RGSL1: variants seen among roughly 807,000 people sequenced by gnomAD.
RGSL1 encodes the protein regulator of G protein signaling protein-like.
A neutral mutation model predicts 124.7 loss-of-function variants in RGSL1; 97 were observed. That is an observed-to-expected ratio of 0.78 (90% CI 0.66 to 0.92). RGSL1 has a LOEUF of 0.92. Ranked by LOEUF, RGSL1 falls within the 40% of genes least tolerant of loss-of-function variation. The pLI, the probability that RGSL1 is intolerant of heterozygous loss-of-function variation, is 0.00. For synonymous variants in RGSL1, 424 were observed against 438.1 expected (o/e 0.97, Z 0.40); for missense variants, 1,233 against 1,288.4 (o/e 0.96, Z 0.66).
At chr1:182,508,564 G>A (rs985922878) in intron 9 of RGSL1, among the ~76,000 whole-genome samples, 2 of 151,608 alleles carry the variant, frequency 1.3e-5, no homozygotes, top group African/African-American at 4.8e-5. Flanking sequence ...CTCCCAAAGT[G>A]CTGGGATTAC....
intron 9 of RGSL1, among the ~76,000 whole-genome samples, chr1:182,515,881 G>A (rs941680951): frequency 1.3e-5 from 2 of 152,238 alleles, no homozygotes; most frequent in Admixed American, 6.5e-5. Context: ...TCGCACCAAA[G>A]GGAAACCACA....
chr1:182,536,436 C>T (rs991727819), intron 14 of RGSL1, among the ~76,000 whole-genome samples: 1 of 152,162 alleles, frequency 6.6e-6, no homozygotes, highest in Admixed American at 6.5e-5. Context: ...AAGTTTCAAC[C>T]GTTCCCCATC....
chr1:182,454,746 C>CT (rs1179634133), intron 2 of RGSL1, among the ~76,000 whole-genome samples: 1 of 152,122 alleles, frequency 6.6e-6, no homozygotes, highest in East Asian at 1.9e-4. Flanking sequence ...CTGGAACAAA[C>CT]CTATCTATTT....
intron 12 of RGSL1, 85 bp downstream of exon 12, chr1:182,530,446 C>A: frequency 9.6e-7 from 1 of 1,046,506 alleles, no homozygotes. Context: ...GTTTCCTAAT[C>A]CATTTTCATA....
chr1:182,461,114 C>T (rs754172787), intron 4 of RGSL1, among the ~76,000 whole-genome samples: 11 of 151,886 alleles, frequency 7.2e-5, no homozygotes, highest in Non-Finnish European at 1.3e-4. Context: ...GAGCTGACAT[C>T]TTCCCCCTTC....
At chr1:182,485,322 A>G (rs1450451178) in intron 6 of RGSL1, among the ~76,000 whole-genome samples, 2 of 151,988 alleles carry the variant, frequency 1.3e-5, no homozygotes, top group African/African-American at 4.8e-5. Flanking sequence ...TACTCCTTCA[A>G]TGTACACTTT....
chr1:182,558,955 A>G (rs985542889), intron 21 of RGSL1, among the ~76,000 whole-genome samples: 1 of 152,210 alleles, frequency 6.6e-6, no homozygotes, highest in African/African-American at 2.4e-5. Context: ...TCTACCGACC[A>G]TGGTCCTAGA....
intron 6 of RGSL1, among the ~76,000 whole-genome samples, chr1:182,481,716 T>C (rs1464697752): frequency 6.6e-6 from 1 of 150,912 alleles, no homozygotes; most frequent in African/African-American, 2.5e-5. Flanking sequence ...GGTGCAGTGG[T>C]TCATGCCTGT....
At chr1:182,499,943 T>C (rs192955354) in intron 9 of RGSL1, among the ~76,000 whole-genome samples, 11 of 152,354 alleles carry the variant, frequency 7.2e-5, no homozygotes, top group Non-Finnish European at 1.5e-5. Context: ...TTTGCAAATA[T>C]TTACTTCCAT....
intron 9 of RGSL1, among the ~76,000 whole-genome samples, chr1:182,511,751 A>C (rs573095533): frequency 6.6e-6 from 1 of 152,268 alleles, no homozygotes; most frequent in South Asian, 2.1e-4. Flanking sequence ...ATTTCATATA[A>C]ATTGCAGGAT....
intron 15 of RGSL1, among the ~76,000 whole-genome samples, chr1:182,543,715 T>G (rs1378445480): frequency 6.6e-6 from 1 of 152,126 alleles, no homozygotes; most frequent in Non-Finnish European, 1.5e-5. Flanking sequence ...ATCTTGTTAC[T>G]CATTATCTGT....
At chr1:182,553,419 C>A in intron 18 of RGSL1, 36 bp from the exon 19 acceptor site, 1 of 1,483,418 alleles carries the variant, frequency 6.7e-7, no homozygotes, top group Non-Finnish European at 9.2e-7. Context: ...GGAGTTGTCG[C>A]AGGTGTTTTT....
intron 4 of RGSL1, among the ~76,000 whole-genome samples, chr1:182,470,703 G>A (rs960981145): frequency 3.9e-5 from 6 of 152,240 alleles, no homozygotes; most frequent in African/African-American, 1.4e-4. Flanking sequence ...CTTGGAGGCA[G>A]GGATTTTTTG....
chr1:182,548,179 A>G lies in RGSL1; in HGVS notation c.2670-138A>G, dbSNP rs1054199678. 6.0e-6 allele frequency: 5 copies of G among 830,292 alleles called. No homozygotes were observed. In the African/African-American group the frequency reaches 6.9e-5, roughly 11 times the overall value. 51.4% of individuals were successfully genotyped at this position (830,292 alleles called of 1,614,324 possible). On this transcript the variant is annotated intron_variant, in intron 15 of 21. Transcript: ENST00000294854. ...AGTATTTGCCAATGGATGAATTATG[A>G]CTGAATGAATAAAGTCACAACCTGG... is the stretch of plus-strand genomic sequence containing the variant.
intron 8 of RGSL1, among the ~76,000 whole-genome samples, chr1:182,490,915 C>CTTTTTTTTTTT (rs10676767): frequency 7.7e-6 from 1 of 129,036 alleles, no homozygotes; most frequent in African/African-American, 2.9e-5. Context: ...AGAACATTAT[C>CTTTTTTTTTTT]TTTTTTTTTT....
At chr1:182,493,241 C>A in intron 9 of RGSL1, 112 bp downstream of exon 9, 1 of 737,460 alleles carries the variant, frequency 1.4e-6, no homozygotes. Flanking sequence ...GAACCATGCT[C>A]TGTTGGAAAT....
chr1:182,548,096 GTGAAGACATTCACT>G (rs1352452480), intron 15 of RGSL1, among the ~76,000 whole-genome samples: 3 of 152,158 alleles, frequency 2.0e-5, no homozygotes, highest in Non-Finnish European at 4.4e-5. Context: ...GGGGTTTGTG[GTGAAGACATTCACT>G]TGAAGGGGCA....
intron 6 of RGSL1, among the ~76,000 whole-genome samples, chr1:182,478,933 T>C (rs187843367): frequency 6.6e-6 from 1 of 152,266 alleles, no homozygotes; most frequent in African/African-American, 2.4e-5. Context: ...TGGGATGATA[T>C]ATTCAATATG....
intron 14 of RGSL1, among the ~76,000 whole-genome samples, chr1:182,539,239 C>T (rs1659736864): frequency 6.6e-6 from 1 of 152,168 alleles, no homozygotes; most frequent in South Asian, 2.1e-4. Context: ...TCCCAGAATC[C>T]CTAACCATCA....
Sources: allele counts gnomAD v4.1 joint callset (sites outside exome capture counted in the v4.1 genomes callset), GRCh38; gene constraint gnomAD v4.1.1; transcripts MANE v1.5; gene names NCBI Gene and HGNC (gene_info 2026-07-23, HGNC 2026-07-21).